ARHGAP32: variants seen among roughly 807,000 people sequenced by gnomAD.
ARHGAP32 encodes the protein rho GTPase-activating protein 32.
ARHGAP32 carries 51 observed loss-of-function variants against 186.5 expected under a neutral mutation model. The ratio of observed to expected loss-of-function variants is 0.27; its 90% CI spans 0.22 to 0.35. ARHGAP32 has a LOEUF of 0.35. Among genes scored for constraint, ARHGAP32 ranks in the 10% least tolerant of loss-of-function variants. The pLI, the probability that ARHGAP32 is intolerant of heterozygous loss-of-function variation, is 1.00. For synonymous variants in ARHGAP32, 950 were observed against 964.3 expected, an observed-to-expected ratio of 0.99 and a Z score of 0.27; for missense variants, 2,186 against 2,623.5, an observed-to-expected ratio of 0.83 and a Z score of 3.64.
chr11:129,156,746 C>T (rs1009902070), intron 2 of ARHGAP32, among the ~76,000 whole-genome samples: 2 of 152,214 alleles, frequency 1.3e-5, no homozygotes, highest in African/African-American at 4.8e-5. Context: ...AGACTGCCCC[C>T]TCAAGTGGGT....
At chr11:129,140,666 A>T (rs543722931) in intron 2 of ARHGAP32, among the ~76,000 whole-genome samples, 3 of 152,284 alleles carry the variant, frequency 2.0e-5, no homozygotes, top group Non-Finnish European at 4.4e-5. Context: ...GCTTCCTCAA[A>T]GGAGTAAGCT....
chr11:129,238,548 A>G (rs1944967236), intron 1 of ARHGAP32, among the ~76,000 whole-genome samples: 1 of 152,178 alleles, frequency 6.6e-6, no homozygotes, highest in Non-Finnish European at 1.5e-5. Context: ...TTATTCTTAC[A>G]TGCATGAGTA....
intron 15 of ARHGAP32, among the ~76,000 whole-genome samples, chr11:128,982,851 AC>A (rs1945747431): frequency 7.1e-6 from 1 of 141,798 alleles, no homozygotes; most frequent in African/African-American, 2.6e-5. Context: ...TGATCATGCC[AC>A]TGCACTCCAG....
intron 11 of ARHGAP32, among the ~76,000 whole-genome samples, chr11:129,018,474 A>C (rs1478756443): frequency 6.6e-6 from 1 of 152,224 alleles, no homozygotes; most frequent in Non-Finnish European, 1.5e-5. Flanking sequence ...TAGTATTTTC[A>C]AATTTATTAA....
At chr11:129,256,116 A>G (rs1295706155) in intron 1 of ARHGAP32, among the ~76,000 whole-genome samples, 1 of 152,146 alleles carries the variant, frequency 6.6e-6, no homozygotes, top group East Asian at 1.9e-4. Context: ...AGCATATAAA[A>G]TAAGACAGGC....
chr11:129,263,018 G>A (rs1453419009), intron 1 of ARHGAP32, among the ~76,000 whole-genome samples: 2 of 152,056 alleles, frequency 1.3e-5, no homozygotes, highest in South Asian at 2.1e-4. Flanking sequence ...TTCAACAAAC[G>A]GTTCTGAGAA....
intron 11 of ARHGAP32, among the ~76,000 whole-genome samples, chr11:129,002,928 C>T (rs1937601224): frequency 6.6e-6 from 1 of 151,076 alleles, no homozygotes; most frequent in Non-Finnish European, 1.5e-5. Context: ...CCTGCCTCAG[C>T]CTCCCGAGTA....
intron 1 of ARHGAP32, among the ~76,000 whole-genome samples, chr11:129,224,169 A>G (rs1944749660): frequency 6.6e-6 from 1 of 152,226 alleles, no homozygotes; most frequent in South Asian, 2.1e-4. Context: ...CCTATGCACT[A>G]CACCATCCAC....
Position 128,974,310 on chromosome 11 carries a change from T to C in ARHGAP32, c.2887A>G (p.Thr963Ala). Residue 963 changes from threonine (T) to alanine (A), a missense_variant, in exon 21 of 23, where the codon ACA (threonine) becomes GCA (alanine). This residue lies in a region of ARHGAP32 where 1,502 missense variants were observed against 1,570.0 expected (regional missense o/e 0.96). Transcript: ENST00000682385. ...ACTATCTGGGTGGGGGATCTATTTG[T>C]GGCATCCCTTTCTTCAACGCATTTG... is the stretch of plus-strand genomic sequence containing the variant. ...WDKCVEERDA[T>A]NRSPTQIVKM... is the part of the protein sequence containing the mutation. 1.2e-6 allele frequency: 2 copies of C among 1,614,220 alleles called. No homozygotes were observed. Among genetic ancestry groups the C allele is most frequent in the African/African-American group, 1.3e-5 (1 of 75,060 alleles).
chr11:129,103,203 G>C (rs1449714295), intron 5 of ARHGAP32, among the ~76,000 whole-genome samples: 3 of 152,036 alleles, frequency 2.0e-5, no homozygotes, highest in Admixed American at 6.5e-5. Context: ...AAGAAAATAT[G>C]GGAAATCCAG....
chr11:129,262,122 C>T (rs1945328942), intron 1 of ARHGAP32, among the ~76,000 whole-genome samples: 2 of 152,152 alleles, frequency 1.3e-5, no homozygotes, highest in Admixed American at 6.5e-5. Context: ...ACCTGGCATG[C>T]CAGACTAATA....
At chr11:129,120,720 C>G (rs1240513087) in intron 5 of ARHGAP32, among the ~76,000 whole-genome samples, 2 of 151,994 alleles carry the variant, frequency 1.3e-5, no homozygotes, top group Non-Finnish European at 2.9e-5. Flanking sequence ...TATAAACTTT[C>G]AAGATCTGAA....
chr11:128,973,860 T>C, intron 21 of ARHGAP32: 1 of 544,694 alleles, frequency 1.8e-6, no homozygotes, highest in Non-Finnish European at 3.2e-6. Context: ...TACGCAGTTG[T>C]GCAAAAATTA....
In ARHGAP32 at chr11:128,975,708, G is replaced by A. The variant is rs370965576; in HGVS notation, c.2195-706C>T. On this transcript the variant is annotated intron_variant, in intron 20 of 22. Coordinates refer to ENST00000682385, the MANE Select transcript of ARHGAP32 (RefSeq NM_001378024.1). ...CTATTCTATTAGGATTATTTTAATT[G>A]CCATAGTTAAAAAGTAATTTAAAGA... is the stretch of plus-strand genomic sequence containing the variant. 4.9e-4 allele frequency among the ~76,000 whole-genome samples: 75 copies of A among 152,066 alleles called. No individual in the cohort carries two copies. The South Asian group carries it at 0.016, about 32-fold the overall frequency.
At chr11:129,121,362 T>C (rs941863080) in intron 5 of ARHGAP32, among the ~76,000 whole-genome samples, 5 of 152,076 alleles carry the variant, frequency 3.3e-5, no homozygotes, top group African/African-American at 1.2e-4. Flanking sequence ...TGATGGTATC[T>C]AACATGGGTT....
At chr11:129,094,971 T>C (rs577428141) in intron 5 of ARHGAP32, among the ~76,000 whole-genome samples, 1 of 152,096 alleles carries the variant, frequency 6.6e-6, no homozygotes, top group Non-Finnish European at 1.5e-5. Context: ...ATAAATGTAA[T>C]GTACCATTAT....
At chr11:129,194,800 A>T (rs1175608848), upstream of ARHGAP32, among the ~76,000 whole-genome samples, 1 of 152,150 alleles carries the variant, frequency 6.6e-6, no homozygotes, top group Admixed American at 6.5e-5. Context: ...TGTCATGCAC[A>T]TATAATCCTT....
chr11:128,970,637 T>G lies in ARHGAP32; in HGVS notation c.4576A>C (p.Asn1526His). 2.5e-6 allele frequency: 4 copies of G among 1,614,112 alleles called. No homozygotes were observed. Among genetic ancestry groups the G allele is most frequent in the Non-Finnish European group, 3.4e-6 (4 of 1,180,014 alleles). The stretch of plus-strand genomic sequence containing the variant: ...TACACTTGGTGCTGCTCCAATTTAT[T>G]GTGATGGGGAGGTACACTCTGGGGA... ...YRPQSVPPHHNKLEQHQVYGA... is the reference protein window; with the variant it reads ...YRPQSVPPHHHKLEQHQVYGA... Residue 1526 changes from asparagine to histidine, a missense_variant, in exon 23 of 23, where the codon AAT becomes CAT. By Grantham distance (68) the Asn-to-His change is moderately conservative. This residue lies in a region of ARHGAP32 where 1,502 missense variants were observed against 1,570.0 expected (regional missense o/e 0.96). Transcript: ENST00000682385. This position sits in a 1 kb window ranked among gnomAD's most constrained non-coding sequence, Gnocchi z 5.8.
intron 1 of ARHGAP32, among the ~76,000 whole-genome samples, chr11:129,255,244 T>G (rs1945239327): frequency 6.6e-6 from 1 of 152,084 alleles, no homozygotes; most frequent in African/African-American, 2.4e-5. Context: ...ACGTATGTGG[T>G]TTACCTGATT....
Sources: gnomAD v4.1 joint callset for allele counts (sites outside exome capture counted in the v4.1 genomes callset) on GRCh38, gnomAD v4.1.1 for gene constraint, gnomAD v4.1.1 regional missense constraint, Gnocchi (gnomAD v3.1) non-coding constraint, MANE v1.5 for transcripts, NCBI Gene and HGNC (gene_info 2026-07-23, HGNC 2026-07-21) for gene names.